The following DYNC1I1 variants were observed in gnomAD, a reference collection of about 807,000 sequenced individuals.
DYNC1I1 encodes the protein cytoplasmic dynein 1 intermediate chain 1.
DYNC1I1 carries 43 observed loss-of-function variants against 86.6 expected under a neutral mutation model. That is an observed-to-expected ratio of 0.50 (90% CI 0.39 to 0.64). DYNC1I1 has a LOEUF of 0.64. DYNC1I1 is among the 30% of genes least tolerant of loss of function. The probability of loss-of-function intolerance (pLI) is 0.00; values close to 1 mark genes in which losing one functional copy is unlikely to be tolerated. For missense variants in DYNC1I1, 604 were observed against 788.8 expected, an observed-to-expected ratio of 0.77 and a Z score of 2.81; for synonymous variants, 262 against 283.7, an observed-to-expected ratio of 0.92 and a Z score of 0.77.
chr7:95,859,033 T>C (rs185263968), intron 5 of DYNC1I1, among the ~76,000 whole-genome samples: 29 of 148,914 alleles, frequency 1.9e-4, no homozygotes, highest in African/African-American at 6.9e-4. Context: ...TTTCCCCTTA[T>C]ATTTTCAAAT....
At chr7:95,887,103 G>A (rs190019691) in intron 6 of DYNC1I1, among the ~76,000 whole-genome samples, 320 of 152,248 alleles carry the variant, frequency 2.1e-3, no homozygotes, top group Non-Finnish European at 3.5e-3. Context: ...CTACAGTTCC[G>A]TCTCTATGCT....
intron 2 of DYNC1I1, among the ~76,000 whole-genome samples, chr7:95,808,893 A>G (rs1438153258): frequency 6.6e-6 from 1 of 152,102 alleles, no homozygotes; most frequent in Non-Finnish European, 1.5e-5. Context: ...ACAGATCCTC[A>G]CTCTGCAACA....
chr7:96,110,094 G>C (rs1278324881), downstream of DYNC1I1: 2 of 441,628 alleles, frequency 4.5e-6, no homozygotes, highest in Non-Finnish European at 9.1e-6. Context: ...AGCTATGCCT[G>C]CTTGTTATAT....
intron 14 of DYNC1I1, among the ~76,000 whole-genome samples, chr7:96,066,572 C>T (rs1789997635): frequency 6.6e-6 from 1 of 152,110 alleles, no homozygotes; most frequent in Non-Finnish European, 1.5e-5. Context: ...ACCTGGGTAC[C>T]TCCTTGTGAT....
chr7:96,072,316 A>G (rs1311008337), intron 14 of DYNC1I1, among the ~76,000 whole-genome samples: 1 of 152,188 alleles, frequency 6.6e-6, no homozygotes, highest in Non-Finnish European at 1.5e-5. Context: ...TTTCATTGAC[A>G]TGTACCACAC....
chr7:95,912,589 A>T (rs1465904535), intron 6 of DYNC1I1, among the ~76,000 whole-genome samples: 1 of 152,222 alleles, frequency 6.6e-6, no homozygotes, highest in Non-Finnish European at 1.5e-5. Flanking sequence ...TTCTCCTGCC[A>T]GAAGAATGCC....
intron 5 of DYNC1I1, among the ~76,000 whole-genome samples, chr7:95,838,746 T>C (rs78840615): frequency 0.11 from 16,281 of 152,154 alleles, 988 homozygotes; most frequent in African/African-American, 0.16. Flanking sequence ...TAGAGATTTT[T>C]CACCTTGGTT....
intron 4 of DYNC1I1, among the ~76,000 whole-genome samples, chr7:95,820,874 G>A (rs774160906): frequency 1.3e-4 from 20 of 152,204 alleles, no homozygotes; most frequent in African/African-American, 4.1e-4. Context: ...CATCATGGCC[G>A]GCCAGTGGTC....
chr7:96,059,719 T>G (rs1490920035), intron 14 of DYNC1I1, among the ~76,000 whole-genome samples: 1 of 152,138 alleles, frequency 6.6e-6, no homozygotes, highest in Non-Finnish European at 1.5e-5. Context: ...GATACGAATC[T>G]TCAAAAGTAG....
chr7:96,032,645 C>A (rs892535504), intron 11 of DYNC1I1, 22 bp from the exon 12 acceptor site: 19 of 1,575,362 alleles, frequency 1.2e-5, no homozygotes, highest in Non-Finnish European at 1.7e-5. Context: ...GTCTCTGATC[C>A]TCTTTGTTTA....
intron 14 of DYNC1I1, among the ~76,000 whole-genome samples, chr7:96,069,523 C>T (rs1353996791): frequency 1.3e-5 from 2 of 152,188 alleles, no homozygotes; most frequent in Non-Finnish European, 1.5e-5. Flanking sequence ...TCCTTGCTTG[C>T]TTACTGTTTT....
At chr7:95,996,510 G>T (rs1793871799) in intron 10 of DYNC1I1, among the ~76,000 whole-genome samples, 2 of 152,202 alleles carry the variant, frequency 1.3e-5, no homozygotes, top group Admixed American at 6.5e-5. Flanking sequence ...CTACTTAACA[G>T]ATAATACTTT....
intron 6 of DYNC1I1, among the ~76,000 whole-genome samples, chr7:95,927,446 T>G (rs1791774857): frequency 6.6e-6 from 1 of 152,164 alleles, no homozygotes; most frequent in Non-Finnish European, 1.5e-5. Context: ...GCATTTGTGT[T>G]AGGACTTAAG....
intron 6 of DYNC1I1, among the ~76,000 whole-genome samples, chr7:95,887,562 T>C (rs991533180): frequency 1.3e-5 from 2 of 152,246 alleles, no homozygotes; most frequent in Non-Finnish European, 2.9e-5. Flanking sequence ...ATAGCATTTA[T>C]ATTTCCTATC....
intron 4 of DYNC1I1, among the ~76,000 whole-genome samples, chr7:95,816,243 A>G: frequency 6.6e-6 from 1 of 152,106 alleles, no homozygotes; most frequent in East Asian, 1.9e-4. Flanking sequence ...GCTGGTCTGG[A>G]ACTCCTGGCC....
Position 95,794,611 on chromosome 7 carries a change from AT to A in DYNC1I1, c.-9-10105del, listed in dbSNP as rs559357819. Among the ~76,000 whole-genome samples the A allele has an allele frequency of 4.0e-3, 614 of 152,166 alleles. 14 individuals carry two copies. The highest frequency in any genetic ancestry group is 3.4e-3 in the Middle Eastern group (1 of 294). On this transcript the variant is annotated intron_variant, in intron 1 of 16. Transcript: ENST00000447467. ...GAGAGGGCAGATACCCTATGGATTGATTTTTCTCTCTAGCATAATGGGCCTC... is the reference window on the plus strand; with the variant it reads ...GAGAGGGCAGATACCCTATGGATTGATTTTCTCTCTAGCATAATGGGCCTC...
chr7:95,894,026 T>C (rs1790811232), intron 6 of DYNC1I1, among the ~76,000 whole-genome samples: 1 of 152,174 alleles, frequency 6.6e-6, no homozygotes, highest in Admixed American at 6.5e-5. Flanking sequence ...GCCTCTGCTG[T>C]TACTTATGAA....
intron 6 of DYNC1I1, among the ~76,000 whole-genome samples, chr7:95,909,781 G>A (rs138488815): frequency 2.0e-5 from 3 of 152,050 alleles, no homozygotes; most frequent in Non-Finnish European, 4.4e-5. Context: ...TTGCCTCTTC[G>A]AGCTTGGCAG....
chr7:95,859,593 A>G (rs1474243822), intron 5 of DYNC1I1, among the ~76,000 whole-genome samples: 1 of 151,754 alleles, frequency 6.6e-6, no homozygotes, highest in South Asian at 2.1e-4. Flanking sequence ...CGGCTTCAGC[A>G]GGCTGAAAGC....
Sources: allele counts gnomAD v4.1 joint callset (sites outside exome capture counted in the v4.1 genomes callset), GRCh38; gene constraint gnomAD v4.1.1; transcripts MANE v1.5; gene names NCBI Gene and HGNC (gene_info 2026-07-23, HGNC 2026-07-21).